Variants in DIAPH3 observed in about 807,000 individuals in gnomAD.
DIAPH3 encodes the protein diaphanous related formin 3.
In DIAPH3, 117 loss-of-function variants were observed where a neutral mutation model predicts 144.3. The ratio of observed to expected loss-of-function variants is 0.81; its 90% CI spans 0.70 to 0.95. The LOEUF (loss-of-function observed/expected upper bound fraction) is 0.95, where lower values mean the gene tolerates loss of function less well. DIAPH3 is among the 40% of genes least tolerant of loss of function. DIAPH3 has a pLI of 0.00. For missense variants in DIAPH3, 1,421 were observed against 1,412.7 expected (o/e 1.01, Z -0.09); for synonymous variants, 519 against 488.9 (o/e 1.06, Z -0.81).
chr13:59,893,748 TG>T (rs1406591527), intron 20 of DIAPH3, among the ~76,000 whole-genome samples: 1 of 152,110 alleles, frequency 6.6e-6, no homozygotes, highest in Non-Finnish European at 1.5e-5. Context: ...CTATGATATT[TG>T]CTAACCAGCT....
chr13:59,792,270 CT>C (rs1236465559), intron 25 of DIAPH3, among the ~76,000 whole-genome samples: 3 of 152,032 alleles, frequency 2.0e-5, no homozygotes, highest in Non-Finnish European at 4.4e-5. Flanking sequence ...CAGGCTGTCA[CT>C]TTTTTTTCCT....
At position 59,735,227 on chromosome 13, in the gene DIAPH3, G is replaced by T. The variant is rs536136632; in HGVS notation, c.3319+38962C>A. Reference sequence around the variant, plus strand: ...TTGCATATAGAAGACTGGTTTTACAGATATGAAAATATAAAATTATTGGCA... The same window carrying T: ...TTGCATATAGAAGACTGGTTTTACATATATGAAAATATAAAATTATTGGCA... On this transcript the variant is annotated intron_variant, in intron 27 of 27. Transcript: ENST00000400324. 6.6e-5 allele frequency among the ~76,000 whole-genome samples: 10 copies of T among 152,142 alleles called. No individual in the cohort carries two copies. The East Asian group carries it at 1.9e-3, about 29-fold the overall frequency.
At chr13:59,795,309 A>G (rs1282083520) in intron 25 of DIAPH3, among the ~76,000 whole-genome samples, 1 of 152,210 alleles carries the variant, frequency 6.6e-6, no homozygotes, top group Admixed American at 6.5e-5. Flanking sequence ...ATGAAAAATT[A>G]AGACTAAATT....
chr13:59,944,197 G>A (rs1385100713), intron 17 of DIAPH3, among the ~76,000 whole-genome samples: 1 of 151,488 alleles, frequency 6.6e-6, no homozygotes, highest in Non-Finnish European at 1.5e-5. Context: ...CTGGGTGACT[G>A]AGCATGACAC....
chr13:60,163,666 T>G lies in DIAPH3; in HGVS notation c.101A>C (p.Lys34Thr), dbSNP rs760864398. Residue 34 changes from lysine to threonine, a missense_variant, in exon 1 of 28, where the codon AAG becomes ACG. Coordinates refer to ENST00000400324, the MANE Select transcript of DIAPH3 (RefSeq NM_001042517.2). ...SASLRGCRES[K>T]MPRRKGPQHP... Reference sequence around the variant, plus strand: ...TTGGGGGCCCTTCCTGCGCGGCATCTTGCTTTCCCGGCAGCCGCGGAGAGA... The same window carrying G: ...TTGGGGGCCCTTCCTGCGCGGCATCGTGCTTTCCCGGCAGCCGCGGAGAGA... 3.7e-6 allele frequency: 6 copies of G among 1,607,992 alleles called. No homozygotes were observed. The highest frequency in any genetic ancestry group is 5.1e-6 in the Non-Finnish European group (6 of 1,175,654).
chr13:59,819,346 C>T (rs1395916568), intron 24 of DIAPH3, among the ~76,000 whole-genome samples: 1 of 151,828 alleles, frequency 6.6e-6, no homozygotes, highest in African/African-American at 2.4e-5. Flanking sequence ...TTCATTCTTT[C>T]TCTTTAACCA....
chr13:60,016,207 T>C, intron 5 of DIAPH3, 62 bp from the exon 6 acceptor site: 3 of 1,392,334 alleles, frequency 2.2e-6, no homozygotes, highest in Non-Finnish European at 3.0e-6. Context: ...TATCATATTA[T>C]ATACCTACAA....
At chr13:59,714,320 A>G (rs1206224117) in intron 27 of DIAPH3, among the ~76,000 whole-genome samples, 1 of 136,976 alleles carries the variant, frequency 7.3e-6, no homozygotes, top group Non-Finnish European at 1.5e-5. Context: ...AGATCCCGCC[A>G]CTGCACTCCA....
chr13:59,850,102 T>A (rs1034809836), intron 22 of DIAPH3, among the ~76,000 whole-genome samples: 1 of 151,304 alleles, frequency 6.6e-6, no homozygotes, highest in Admixed American at 6.6e-5. Context: ...AGTTCACTCA[T>A]GATTTGGCTC....
intron 2 of DIAPH3, among the ~76,000 whole-genome samples, chr13:60,130,029 G>A (rs559296911): frequency 2.0e-5 from 3 of 152,294 alleles, no homozygotes; most frequent in South Asian, 4.2e-4. Flanking sequence ...CCAAAACTAT[G>A]AGAAAGGAAG....
intron 17 of DIAPH3, among the ~76,000 whole-genome samples, chr13:59,956,104 A>G (rs1325414580): frequency 6.6e-6 from 1 of 152,228 alleles, no homozygotes; most frequent in Non-Finnish European, 1.5e-5. Flanking sequence ...GAAGTTCAAA[A>G]AATTTGCAGC....
chr13:60,036,260 G>A (rs1348147750), intron 5 of DIAPH3, among the ~76,000 whole-genome samples: 1 of 152,164 alleles, frequency 6.6e-6, no homozygotes, highest in Non-Finnish European at 1.5e-5. Context: ...TAATAATAAT[G>A]TAGTTAATAT....
At chr13:59,767,704 A>T (rs957960063) in intron 27 of DIAPH3, among the ~76,000 whole-genome samples, 2 of 152,130 alleles carry the variant, frequency 1.3e-5, no homozygotes, top group African/African-American at 4.8e-5. Context: ...CATAACAACC[A>T]TTTCAGGGAA....
chr13:59,887,362 T>C (rs1254589877), intron 20 of DIAPH3, among the ~76,000 whole-genome samples: 1 of 152,090 alleles, frequency 6.6e-6, no homozygotes, highest in Non-Finnish European at 1.5e-5. Flanking sequence ...AGTTTCTAGT[T>C]TTGCTGTAGT....
chr13:59,969,979 C>T lies in DIAPH3; in HGVS notation c.2039G>A (p.Cys680Tyr). 2 of 1,608,812 alleles carry T rather than the reference C, an allele frequency of 1.2e-6. No individual in the cohort carries two copies. Among genetic ancestry groups the T allele is most frequent in the Non-Finnish European group, 1.7e-6 (2 of 1,177,198 alleles). The change falls in exon 17 of 28, where the codon TGT becomes TAT. Residue 680 changes from cysteine to tyrosine, a missense_variant. Coordinates refer to ENST00000400324, the MANE Select transcript of DIAPH3 (RefSeq NM_001042517.2). The stretch of plus-strand genomic sequence containing the variant: ...GCAACAAAATGTATTCTCAAGTTTA[C>T]AAAGCAAATCCACGTTTTCATACTT... ...ENKYENVDLLCKLENTFCCQQ... is the reference protein window; with the variant it reads ...ENKYENVDLLYKLENTFCCQQ...
intron 22 of DIAPH3, among the ~76,000 whole-genome samples, chr13:59,858,506 T>C (rs1394134843): frequency 6.6e-6 from 1 of 152,094 alleles, no homozygotes; most frequent in South Asian, 2.1e-4. Context: ...TAGGAAAGGA[T>C]GGAAATACAT....
chr13:59,705,313 T>C (rs1352633372), intron 27 of DIAPH3, among the ~76,000 whole-genome samples: 3 of 152,230 alleles, frequency 2.0e-5, no homozygotes, highest in Non-Finnish European at 4.4e-5. Flanking sequence ...CGAAAGTTTC[T>C]GTGGGAAGTT....
At chr13:60,103,286 C>T (rs1325600489) in intron 3 of DIAPH3, among the ~76,000 whole-genome samples, 2 of 151,966 alleles carry the variant, frequency 1.3e-5, no homozygotes, top group African/African-American at 4.8e-5. Context: ...ACACGTTAGA[C>T]TCAATATTTT....
chr13:59,926,723 T>A (rs182907820), intron 17 of DIAPH3, among the ~76,000 whole-genome samples: 46 of 152,312 alleles, frequency 3.0e-4, no homozygotes, highest in Admixed American at 2.7e-3. Flanking sequence ...TTTTACAAGT[T>A]GTTGAGACTT....
Sources: allele counts gnomAD v4.1 joint callset (sites outside exome capture counted in the v4.1 genomes callset), GRCh38; gene constraint gnomAD v4.1.1; transcripts MANE v1.5; gene names NCBI Gene and HGNC (gene_info 2026-07-23, HGNC 2026-07-21).